The following SAMMSON variants were observed in gnomAD, a reference collection of about 807,000 sequenced individuals.
SAMMSON encodes survival associated mitochondrial melanoma specific oncogenic non-coding RNA, also known as long intergenic non-protein coding RNA 1212.
intron 2 of SAMMSON, among the ~76,000 whole-genome samples, chr3:70,432,076 T>C (rs1701418738): frequency 6.6e-6 from 1 of 152,024 alleles, no homozygotes; most frequent in Non-Finnish European, 1.5e-5. Flanking sequence ...TCCAAACCAC[T>C]GAGTAGGATT....
chr3:70,094,761 G>A (rs1225909986), intron 4 of SAMMSON: 1 of 152,252 alleles, frequency 6.6e-6, no homozygotes, highest in African/African-American at 2.4e-5. Flanking sequence ...ACATTGAGAT[G>A]GCAGCGAGAG....
chr3:70,378,888 G>A (rs1479456222), intron 9 of SAMMSON, among the ~76,000 whole-genome samples: 1 of 152,092 alleles, frequency 6.6e-6, no homozygotes, highest in Non-Finnish European at 1.5e-5. Flanking sequence ...CATAAACGCA[G>A]AGTGTTCTGT....
intron 4 of SAMMSON, among the ~76,000 whole-genome samples, chr3:70,201,454 A>G (rs1257444839): frequency 4.6e-5 from 7 of 152,080 alleles, no homozygotes; most frequent in Admixed American, 6.6e-5. Flanking sequence ...TCATTGATGG[A>G]CATTTAGTTT....
chr3:70,080,373 G>A (rs983039872), intron 4 of SAMMSON, among the ~76,000 whole-genome samples: 1 of 152,202 alleles, frequency 6.6e-6, no homozygotes, highest in African/African-American at 2.4e-5. Flanking sequence ...AAGGCAAGTG[G>A]CAGTATAATG....
chr3:70,362,405 T>C (rs1471024013), intron 9 of SAMMSON, among the ~76,000 whole-genome samples: 1 of 152,174 alleles, frequency 6.6e-6, no homozygotes, highest in African/African-American at 2.4e-5. Flanking sequence ...AGAACACGTA[T>C]GTCTTTGACC....
chr3:70,156,223 G>A (rs1424133580), intron 4 of SAMMSON, among the ~76,000 whole-genome samples: 1 of 152,014 alleles, frequency 6.6e-6, no homozygotes, highest in Non-Finnish European at 1.5e-5. Flanking sequence ...TGTTTCTGGT[G>A]CACCCACCCA....
chr3:70,053,412 G>GAACT, intron 3 of SAMMSON, among the ~76,000 whole-genome samples: 1 of 152,216 alleles, frequency 6.6e-6, no homozygotes. Flanking sequence ...TGGGGCAATT[G>GAACT]AACTAACACA....
At chr3:70,180,284 A>G (rs975670039) in intron 4 of SAMMSON, among the ~76,000 whole-genome samples, 1 of 152,138 alleles carries the variant, frequency 6.6e-6, no homozygotes, top group African/African-American at 2.4e-5. Flanking sequence ...AATAATGTAT[A>G]TAAATTGCTT....
chr3:70,286,868 T>C (rs1274393764), intron 6 of SAMMSON, among the ~76,000 whole-genome samples: 1 of 152,102 alleles, frequency 6.6e-6, no homozygotes, highest in Admixed American at 6.5e-5. Context: ...TGTCTGTTGT[T>C]GGTGTATAAG....
chr3:70,295,562 G>C (rs1003411597), intron 7 of SAMMSON, among the ~76,000 whole-genome samples: 1 of 152,046 alleles, frequency 6.6e-6, no homozygotes, highest in East Asian at 1.9e-4. Flanking sequence ...AATGAGCCAG[G>C]CTTGGTGGTG....
intron 4 of SAMMSON, among the ~76,000 whole-genome samples, chr3:70,090,982 T>A (rs1437292455): frequency 6.6e-6 from 1 of 152,194 alleles, no homozygotes; most frequent in Non-Finnish European, 1.5e-5. Context: ...GTTAATATTA[T>A]ACTTAGGCTT....
chr3:70,295,066 A>G (rs1702276500), intron 7 of SAMMSON, among the ~76,000 whole-genome samples: 2 of 152,140 alleles, frequency 1.3e-5, no homozygotes, highest in African/African-American at 4.8e-5. Flanking sequence ...TGTTGCCTAA[A>G]ATTATCATTG....
chr3:70,348,545 C>A (rs1465244617), intron 7 of SAMMSON, among the ~76,000 whole-genome samples: 1 of 152,106 alleles, frequency 6.6e-6, no homozygotes, highest in Admixed American at 6.5e-5. Flanking sequence ...ATCCTAGGGG[C>A]TCCACCCGAA....
chr3:70,111,148 ACCTT>A (rs1434335885), intron 4 of SAMMSON, among the ~76,000 whole-genome samples: 21 of 152,242 alleles, frequency 1.4e-4, no homozygotes, highest in Non-Finnish European at 8.8e-5. Context: ...TTGTTTTTAA[ACCTT>A]TACATAATGA....
intron 4 of SAMMSON, among the ~76,000 whole-genome samples, chr3:70,178,908 G>A (rs1338939527): frequency 1.3e-5 from 2 of 152,102 alleles, no homozygotes; most frequent in African/African-American, 4.8e-5. Flanking sequence ...GGCTGAGGTA[G>A]GAGAATCACT....
intron 3 of SAMMSON, among the ~76,000 whole-genome samples, chr3:70,036,464 A>C (rs1014078243): frequency 6.6e-6 from 1 of 152,188 alleles, no homozygotes; most frequent in Admixed American, 6.6e-5. Context: ...CTCAATCATA[A>C]GTATGTCCTC....
Position 70,184,732 on chromosome 3 carries a change from G to A in SAMMSON, n.508-64375G>A, listed in dbSNP as rs368341774. On this transcript the variant is annotated intron_variant and non_coding_transcript_variant, in intron 4 of 9. Coordinates refer to ENST00000642114, the Ensembl canonical transcript of SAMMSON. ...TTCCCATTGAATAATTTAGTTGCCA[G>A]CCCTTGCTAGACTAACCACATGAGG... is the stretch of plus-strand genomic sequence containing the variant. Among the ~76,000 whole-genome samples the A allele has an allele frequency of 2.6e-5, 4 of 152,316 alleles. No homozygotes were observed. The East Asian group carries it at 5.8e-4, about 22-fold the overall frequency.
At chr3:70,155,518 C>G (rs1186625452) in intron 4 of SAMMSON, among the ~76,000 whole-genome samples, 3 of 151,986 alleles carry the variant, frequency 2.0e-5, no homozygotes, top group African/African-American at 7.2e-5. Flanking sequence ...GTTGAAGAAG[C>G]ATTAATGCAA....
At chr3:70,042,304 G>T (rs2067109164) in intron 3 of SAMMSON, among the ~76,000 whole-genome samples, 1 of 151,940 alleles carries the variant, frequency 6.6e-6, no homozygotes, top group Non-Finnish European at 1.5e-5. Flanking sequence ...CTAATGTGTG[G>T]GTCTGTTTGA....
Sources: allele counts gnomAD v4.1 joint callset (sites outside exome capture counted in the v4.1 genomes callset), GRCh38; gene constraint gnomAD v4.1.1; transcripts MANE v1.5; gene names NCBI Gene and HGNC (gene_info 2026-07-23, HGNC 2026-07-21).